DLGAP1: variants seen among roughly 807,000 people sequenced by gnomAD.
The protein encoded by DLGAP1 is disks large-associated protein 1.
DLGAP1 carries 11 observed loss-of-function variants against 90.8 expected under a neutral mutation model. The observed-to-expected ratio is 0.12, with a 90% confidence interval of 0.08 to 0.20. The LOEUF is 0.20. Ranked by LOEUF, DLGAP1 falls within the 10% of genes least tolerant of loss-of-function variation. DLGAP1 has a pLI of 1.00. For synonymous variants in DLGAP1, 558 were observed against 540.7 expected (o/e 1.03, Z -0.44); for missense variants, 1,050 against 1,333.8 (o/e 0.79, Z 3.31).
intron 3 of DLGAP1, among the ~76,000 whole-genome samples, chr18:3,997,218 T>C (rs1204317332): frequency 9.3e-6 from 1 of 107,418 alleles, no homozygotes; most frequent in Admixed American, 1.1e-4. Context: ...CTCTTAGAAT[T>C]ATCTCCTAAT....
chr18:4,242,199 T>C (rs1181550118), intron 1 of DLGAP1, among the ~76,000 whole-genome samples: 1 of 152,176 alleles, frequency 6.6e-6, no homozygotes, highest in East Asian at 1.9e-4. Context: ...TTCTTTGTTT[T>C]GGGAAGATTA....
intron 7 of DLGAP1, among the ~76,000 whole-genome samples, chr18:3,663,158 C>A (rs569799086): frequency 5.2e-4 from 79 of 152,066 alleles, no homozygotes; most frequent in Non-Finnish European, 6.8e-4. Flanking sequence ...GTAATCCCAG[C>A]TACTTGGGAG....
intron 1 of DLGAP1, among the ~76,000 whole-genome samples, chr18:4,298,840 G>C (rs1360399582): frequency 6.6e-6 from 1 of 151,984 alleles, no homozygotes; most frequent in Admixed American, 6.5e-5. Flanking sequence ...CCAGCACTTT[G>C]GGAGGCCGAG....
chr18:4,350,569 A>G (rs2081384413), intron 1 of DLGAP1, among the ~76,000 whole-genome samples: 2 of 152,280 alleles, frequency 1.3e-5, no homozygotes, highest in South Asian at 4.1e-4. Flanking sequence ...TTACTTATTT[A>G]TGACTCTTCC....
chr18:4,058,771 A>G (rs540851819), intron 2 of DLGAP1, among the ~76,000 whole-genome samples: 54 of 152,298 alleles, frequency 3.5e-4, no homozygotes, highest in Non-Finnish European at 6.3e-4. Context: ...ATATGCCTTG[A>G]GACCTTCAAG....
intron 7 of DLGAP1, among the ~76,000 whole-genome samples, chr18:3,636,389 T>C (rs2058714691): frequency 1.3e-5 from 2 of 151,702 alleles, no homozygotes; most frequent in African/African-American, 4.8e-5. Context: ...AGAATTTGTT[T>C]TCAATTATAC....
chr18:3,902,539 A>C (rs2148882332), intron 3 of DLGAP1, among the ~76,000 whole-genome samples: 1 of 152,238 alleles, frequency 6.6e-6, no homozygotes, highest in East Asian at 1.9e-4. Flanking sequence ...AATTTCTATA[A>C]GTTTCACAAT....
chr18:3,662,098 TA>T (rs535727171), intron 7 of DLGAP1, among the ~76,000 whole-genome samples: 12,130 of 144,384 alleles, frequency 0.084, 899 homozygotes, highest in African/African-American at 0.21. Flanking sequence ...TTTAAAAATT[TA>T]AAAAAAAAAT....
intron 1 of DLGAP1, among the ~76,000 whole-genome samples, chr18:4,349,938 A>C (rs1444046308): frequency 6.6e-6 from 1 of 152,134 alleles, no homozygotes; most frequent in Non-Finnish European, 1.5e-5. Context: ...ATTAGTGGAG[A>C]ATTATGCAAA....
At chr18:4,119,660 T>C (rs2076121763) in intron 2 of DLGAP1, among the ~76,000 whole-genome samples, 1 of 152,130 alleles carries the variant, frequency 6.6e-6, no homozygotes, top group Non-Finnish European at 1.5e-5. Flanking sequence ...CTTCCAACTC[T>C]TCCAAGCTAA....
At chr18:3,951,890 C>T (rs982074307) in intron 3 of DLGAP1, among the ~76,000 whole-genome samples, 1 of 151,994 alleles carries the variant, frequency 6.6e-6, no homozygotes, top group African/African-American at 2.4e-5. Flanking sequence ...AACTGTGAGT[C>T]GATTAAACCT....
intron 1 of DLGAP1, among the ~76,000 whole-genome samples, chr18:4,396,179 C>T (rs1462453031): frequency 1.3e-5 from 2 of 152,040 alleles, no homozygotes; most frequent in South Asian, 2.1e-4. Context: ...ATCCCCAGTC[C>T]GAGGAAGAAA....
intron 7 of DLGAP1, among the ~76,000 whole-genome samples, chr18:3,683,495 T>A (rs553135960): frequency 3.1e-4 from 47 of 152,288 alleles, no homozygotes; most frequent in African/African-American, 1.0e-3. Flanking sequence ...AACTTTTTTT[T>A]TAAAATCTCT....
chr18:3,657,284 A>G (rs1297863941), intron 7 of DLGAP1, among the ~76,000 whole-genome samples: 1 of 152,196 alleles, frequency 6.6e-6, no homozygotes, highest in Non-Finnish European at 1.5e-5. Flanking sequence ...CAATACTGGT[A>G]AATCAAATTG....
intron 3 of DLGAP1, among the ~76,000 whole-genome samples, chr18:3,938,236 A>G (rs1192171848): frequency 2.0e-5 from 3 of 152,192 alleles, no homozygotes; most frequent in Non-Finnish European, 2.9e-5. Flanking sequence ...CTTTCATCTG[A>G]CTAGGGAGCT....
At position 3,879,318 on chromosome 18, in the gene DLGAP1, A is replaced by G; in HGVS notation, c.751T>C (p.Ser251Pro). The change falls in exon 4 of 13, where the codon TCC becomes CCC. Residue 251 changes from serine to proline, a missense_variant. Transcript: ENST00000315677. This position sits in a 1 kb window ranked among gnomAD's most constrained non-coding sequence, Gnocchi z 6.6. ...CACTTGACGTCGTTGTTGCTCCGGGAGGCCTTCACCGCCTGCTCGCTGATG... is the reference window on the plus strand; with the variant it reads ...CACTTGACGTCGTTGTTGCTCCGGGGGGCCTTCACCGCCTGCTCGCTGATG... ...NTISEQAVKA[S>P]RSNNDVKCST... The G allele has an allele frequency of 1.2e-6, 2 of 1,601,334 alleles. No individual in the cohort carries two copies. Among genetic ancestry groups the G allele is most frequent in the African/African-American group, 1.3e-5 (1 of 74,766 alleles).
In DLGAP1 at chr18:3,879,555, C is replaced by T. The variant is rs372048186; in HGVS notation, c.514G>A (p.Glu172Lys). The part of the protein sequence containing the change: ...SVNGGKASPD[E>K]AQAARYGKRS... ...TTGCCATAGCGCGCCGCCTGCGCCT[C>T]GTCAGGGCTGGCCTTGCCCCCGTTG... Residue 172 changes from glutamate to lysine, a missense_variant, in exon 4 of 13, where the codon GAG (glutamate) becomes AAG (lysine). By Grantham distance (56) the Glu-to-Lys change is moderately conservative (BLOSUM62 1). This residue lies in a region of DLGAP1 where 485 missense variants were observed against 454.1 expected (regional missense o/e 1.07). Coordinates refer to ENST00000315677, the MANE Select transcript of DLGAP1 (RefSeq NM_004746.4). The surrounding 1 kb of genome is among the most constrained non-coding windows in gnomAD (Gnocchi z 6.6). 16 of 1,598,870 alleles carry T rather than the reference C, an allele frequency of 1.0e-5. No individual in the cohort carries two copies. Among genetic ancestry groups the T allele is most frequent in the Non-Finnish European group, 1.2e-5 (14 of 1,177,540 alleles).
chr18:3,797,005 G>A (rs1451981548), intron 5 of DLGAP1, among the ~76,000 whole-genome samples: 2 of 152,146 alleles, frequency 1.3e-5, no homozygotes, highest in South Asian at 2.1e-4. Context: ...TCACAAGGGT[G>A]AGAACTTCAT....
intron 1 of DLGAP1, among the ~76,000 whole-genome samples, chr18:4,301,407 TATTTC>T (rs2080122974): frequency 6.6e-6 from 1 of 152,228 alleles, no homozygotes; most frequent in Non-Finnish European, 1.5e-5. Flanking sequence ...GTTTCTGATT[TATTTC>T]ATTTAACTTA....
Sources: allele counts gnomAD v4.1 joint callset (sites outside exome capture counted in the v4.1 genomes callset), GRCh38; gene constraint gnomAD v4.1.1; regional missense constraint gnomAD v4.1.1; non-coding constraint Gnocchi (gnomAD v3.1); transcripts MANE v1.5; gene names NCBI Gene and HGNC (gene_info 2026-07-23, HGNC 2026-07-21).